Variants in BOD1L1 observed in about 807,000 individuals in gnomAD.
BOD1L1 encodes the protein biorientation of chromosomes in cell division protein 1-like 1.
A neutral mutation model predicts 240.7 loss-of-function variants in BOD1L1; 86 were observed. The observed-to-expected ratio is 0.36, with a 90% CI of 0.30 to 0.43. The LOEUF (loss-of-function observed/expected upper bound fraction) is 0.43, where lower values mean the gene tolerates loss of function less well. Ranked by LOEUF, BOD1L1 falls within the 20% of genes least tolerant of loss-of-function variation. The pLI, the probability that BOD1L1 is intolerant of heterozygous loss-of-function variation, is 1.00. For synonymous variants in BOD1L1, 1,268 were observed against 1,272.3 expected (o/e 1.00, Z 0.07); for missense variants, 3,554 against 3,643.5 (o/e 0.98, Z 0.63).
Position 13,591,966 on chromosome 4 carries a change from G to T in BOD1L1, c.8105C>A (p.Ala2702Asp). Residue 2702 changes from alanine to aspartate, a missense_variant and splice_region_variant, in exon 13 of 26, where the codon GCT (alanine) becomes GAT (aspartate). Coordinates refer to ENST00000040738, the MANE Select transcript of BOD1L1 (RefSeq NM_148894.3). ...CAACAAAGGCTCCCTCTGGAGTTCA[G>T]CTGTTCAAAAATAAAAATGAGATGT... ...SLCGGKPSGIAELQREPLLVN... is the reference protein window; with the variant it reads ...SLCGGKPSGIDELQREPLLVN... 1.2e-5 allele frequency: 19 copies of T among 1,550,326 alleles called. No individual in the cohort carries two copies. The highest frequency in any genetic ancestry group is 1.7e-5 in the Non-Finnish European group (19 of 1,146,542).
chr4:13,600,221 A>G lies in BOD1L1; in HGVS notation c.6679T>C (p.Cys2227Arg). 1.2e-6 allele frequency: 2 copies of G among 1,613,956 alleles called. No individual in the cohort carries two copies. The highest frequency in any genetic ancestry group is 1.7e-6 in the Non-Finnish European group (2 of 1,179,890). ...ACTACACCGGAAACAGAAGCCTCAC[A>G]TTCTTCTGCTATGCTAGTGGAAATG... ...ALISTSIAEE[C>R]EASVSGVVVE... The change falls in exon 10 of 26, where the codon TGT (cysteine) becomes CGT (arginine). Residue 2227 changes from cysteine (C) to arginine (R), a missense_variant. This residue lies in a region of BOD1L1 where 3,393 missense variants were observed against 3,427.1 expected (regional missense o/e 0.99). Coordinates refer to ENST00000040738, the MANE Select transcript of BOD1L1 (RefSeq NM_148894.3).
In BOD1L1 at chr4:13,576,571, A is replaced by C. The variant is rs548330905; in HGVS notation, c.9038+267T>G. Among the ~76,000 whole-genome samples, 192 of 152,316 alleles carry C rather than the reference A, an allele frequency of 1.3e-3. 6 individuals carry two copies. The highest frequency in any genetic ancestry group is 0.011 in the Admixed American group (165 of 15,298). On this transcript the variant is annotated intron_variant, in intron 25 of 25. Coordinates refer to ENST00000040738, the MANE Select transcript of BOD1L1 (RefSeq NM_148894.3). ...ATCTGAAGGATGGCAGATGCTCAAA[A>C]AATATATTTGTAAGGAATTGAATGG... is the stretch of plus-strand genomic sequence containing the variant.
At chr4:13,588,481 A>G (rs1713906772) in intron 15 of BOD1L1, among the ~76,000 whole-genome samples, 1 of 152,192 alleles carries the variant, frequency 6.6e-6, no homozygotes, top group Non-Finnish European at 1.5e-5. Context: ...ATGGTTGATG[A>G]AAGGTGCATG....
intron 1 of BOD1L1, 37 bp from the exon 2 acceptor site, chr4:13,620,104 A>C: frequency 6.4e-7 from 1 of 1,558,296 alleles, no homozygotes; most frequent in Non-Finnish European, 8.7e-7. Context: ...CTTCAAGGTT[A>C]TACAGTATCA....
At chr4:13,582,786 G>A (rs1439213638) in intron 17 of BOD1L1, 50 bp from the exon 18 acceptor site, 24 of 1,259,838 alleles carry the variant, frequency 1.9e-5, no homozygotes, top group Middle Eastern at 3.7e-4. Context: ...TGAAGCCTTC[G>A]TCCATTCATC....
At chr4:13,614,147 A>G (rs1560214771) in intron 4 of BOD1L1, 49 bp downstream of exon 4, 1 of 1,418,442 alleles carries the variant, frequency 7.0e-7, no homozygotes, top group Non-Finnish European at 9.3e-7. Context: ...CCTGATCCCA[A>G]AACACTCTGT....
intron 25 of BOD1L1, among the ~76,000 whole-genome samples, chr4:13,571,494 C>CT (rs1712203990): frequency 6.6e-6 from 1 of 152,228 alleles, no homozygotes; most frequent in African/African-American, 2.4e-5. Context: ...CCACCAGCCA[C>CT]TCAATGAACA....
chr4:13,608,609 T>C lies in BOD1L1; in HGVS notation c.1663A>G (p.Arg555Gly). ...STKSLEPKAA[R>G]IKEVLKERKV... is the part of the protein sequence containing the mutation. ...CGTTCTTTAAGGACTTCTTTAATTCTGGCGGCTTTAGGTTCCAAACTCTTT... is the reference window on the plus strand; with the variant it reads ...CGTTCTTTAAGGACTTCTTTAATTCCGGCGGCTTTAGGTTCCAAACTCTTT... Residue 555 changes from arginine to glycine, a missense_variant, in exon 8 of 26, where the codon AGA (arginine) becomes GGA (glycine). Arg to Gly is a moderately radical substitution (Grantham distance 125, BLOSUM62 -2). Coordinates refer to ENST00000040738, the MANE Select transcript of BOD1L1 (RefSeq NM_148894.3). 6.4e-7 allele frequency: 1 copy of C among 1,563,738 alleles called. No individual in the cohort carries two copies. Among genetic ancestry groups the C allele is most frequent in the Non-Finnish European group, 8.7e-7 (1 of 1,155,786 alleles).
At chr4:13,585,144 T>G (rs1438699988) in intron 17 of BOD1L1, among the ~76,000 whole-genome samples, 1 of 152,220 alleles carries the variant, frequency 6.6e-6, no homozygotes, top group African/African-American at 2.4e-5. Context: ...GGGTGAGGGA[T>G]AGTTTAAGAG....
In BOD1L1 at chr4:13,615,346, A is replaced by T. The variant is rs1265089021; in HGVS notation, c.525T>A (p.Asp175Glu). The T allele has an allele frequency of 6.2e-7, 1 of 1,613,110 alleles. No individual in the cohort carries two copies. Among genetic ancestry groups the T allele is most frequent in the South Asian group, 1.1e-5 (1 of 90,922 alleles). Reference sequence around the variant, plus strand: ...TAAGGGAAGTGTCTGGTTTCTCATCATCGGGAGCTGTGTTGCCACTTCCTT... The same window carrying T: ...TAAGGGAAGTGTCTGGTTTCTCATCTTCGGGAGCTGTGTTGCCACTTCCTT... ...KEEGSGNTAP[D>E]DEKPDTSLIT... The change falls in exon 3 of 26, where the codon GAT becomes GAA. Residue 175 changes from aspartate to glutamate, a missense_variant. Around this residue, in one of 2 missense-constraint regions of BOD1L1, gnomAD observed 3,393 missense variants for 3,427.1 expected, o/e 0.99. Coordinates refer to ENST00000040738, the MANE Select transcript of BOD1L1 (RefSeq NM_148894.3).
At position 13,577,637 on chromosome 4, in the gene BOD1L1, A is replaced by C; in HGVS notation, c.8750-6T>G. On this transcript the variant is annotated splice_region_variant and splice_polypyrimidine_tract_variant and intron_variant, in intron 22 of 25. Coordinates refer to ENST00000040738, the MANE Select transcript of BOD1L1 (RefSeq NM_148894.3). Reference sequence around the variant, plus strand: ...TGTTTCTTTATTGGATTCATCTTTAAGAAAAGGGAAATCTCTGCATTAATA... The same window carrying C: ...TGTTTCTTTATTGGATTCATCTTTACGAAAAGGGAAATCTCTGCATTAATA... 1 of 1,543,612 alleles carries C rather than the reference A, an allele frequency of 6.5e-7. No homozygotes were observed. The highest frequency in any genetic ancestry group is 8.8e-7 in the Non-Finnish European group (1 of 1,135,764).
At position 13,610,967 on chromosome 4, in the gene BOD1L1, A is replaced by T; in HGVS notation, c.1458T>A (p.Asp486Glu). ...LYSKYYSDSD[D>E]ELTVEQRRQS... ...GTCGTCGTTGTTCTACAGTAAGCTC[A>T]TCATCAGAATCACTATAGTATTTTG... is the stretch of plus-strand genomic sequence containing the variant. Residue 486 changes from aspartate (D) to glutamate (E), a missense_variant, in exon 6 of 26, where the codon GAT becomes GAA. Asp to Glu is a conservative substitution (Grantham distance 45). Transcript: ENST00000040738. 1 of 1,610,786 alleles carries T rather than the reference A, an allele frequency of 6.2e-7. No homozygotes were observed. Among genetic ancestry groups the T allele is most frequent in the South Asian group, 1.1e-5 (1 of 90,300 alleles).
Position 13,627,348 on chromosome 4 carries a change from G to C in BOD1L1, c.240C>G (p.Thr80=). 1.5e-6 allele frequency: 2 copies of C among 1,325,782 alleles called. No homozygotes were observed. The highest frequency in any genetic ancestry group is 1.9e-6 in the Non-Finnish European group (2 of 1,027,162). The allele number at this position is 1,325,782 out of a possible 1,614,324, so 82.1% of individuals were successfully genotyped here. A position where few individuals can be genotyped will look rare whatever the true frequency, so the allele number is the denominator to read the frequency against. ...FRRDCLADVD[T]KPAYQNLRQR... is the part of the protein sequence containing the mutation. ...CCAAACCCGGCGCGCTCCTAACCTT[G>C]GTGTCCACGTCGGCCAGGCAGTCTC... The change falls in exon 1 of 26, where the codon ACC becomes ACG. Residue 80 remains threonine (T), a synonymous_variant. Coordinates refer to ENST00000040738, the MANE Select transcript of BOD1L1 (RefSeq NM_148894.3).
chr4:13,572,579 A>G lies in BOD1L1; in HGVS notation c.9039-2451T>C, dbSNP rs550080851. 1.3e-4 allele frequency: 131 copies of G among 995,014 alleles called. 2 individuals carry two copies. Among genetic ancestry groups the G allele is most frequent in the South Asian group, 7.0e-4 (43 of 61,428 alleles). The allele number at this position is 995,014 out of a possible 1,614,324, so 61.6% of individuals were successfully genotyped here. A position where few individuals can be genotyped will look rare whatever the true frequency, so the allele number is the denominator to read the frequency against. On this transcript the variant is annotated intron_variant, in intron 25 of 25. Coordinates refer to ENST00000040738, the MANE Select transcript of BOD1L1 (RefSeq NM_148894.3). ...CCCTTCCTGTTCTTCTTGGAAACCA[A>G]TGATCCCCAAAAACAGTTATTTGGT...
At chr4:13,588,832 AT>A in intron 14 of BOD1L1, 40 bp from the exon 15 acceptor site, 1 of 1,402,702 alleles carries the variant, frequency 7.1e-7, no homozygotes, top group Non-Finnish European at 9.7e-7. Context: ...AATCTTAAAT[AT>A]TTTTATATTC....
Position 13,577,044 on chromosome 4 carries a change from CAA to C in BOD1L1, c.8885-55_8885-54del, listed in dbSNP as rs138926242. Reference sequence around the variant, plus strand: ...ATTTTACAATTCCCAAAGATACTTCCAAGAGAGAGAGTCATGGAGTTTAGAAC... The same window carrying C: ...ATTTTACAATTCCCAAAGATACTTCCGAGAGAGAGTCATGGAGTTTAGAAC... On this transcript the variant is annotated intron_variant, in intron 24 of 25. Transcript: ENST00000040738. The C allele has an allele frequency of 1.3e-4, 208 of 1,586,586 alleles. 1 individual carries two copies. In the East Asian group the frequency reaches 1.6e-3, roughly 12 times the overall value.
chr4:13,627,535 G>C lies in BOD1L1; in HGVS notation c.53C>G (p.Pro18Arg), dbSNP rs932964488. ...QPPPPAPPPP[P>R]PQPQPQPPPP... ...CGGTGGCTGCGGCTGCGGCTGCGGC[G>C]GGGGAGGCGGCGGCGCCGGAGGAGG... The change falls in exon 1 of 26, where the codon CCG becomes CGG. Residue 18 changes from proline to arginine, a missense_variant. Physicochemically the swap from Pro to Arg is moderately radical, Grantham distance 103. Around this residue, in one of 2 missense-constraint regions of BOD1L1, gnomAD observed 161 missense variants for 216.4 expected, o/e 0.74. Transcript: ENST00000040738. The C allele has an allele frequency of 1.8e-6, 2 of 1,118,240 alleles. No individual in the cohort carries two copies. Among genetic ancestry groups the C allele is most frequent in the South Asian group, 4.3e-5 (1 of 23,278 alleles). The allele number at this position is 1,118,240 out of a possible 1,614,324, so 69.3% of individuals were successfully genotyped here. A position where few individuals can be genotyped will look rare whatever the true frequency, so the allele number is the denominator to read the frequency against.
Position 13,600,353 on chromosome 4 carries a change from C to A in BOD1L1, c.6547G>T (p.Val2183Phe), listed in dbSNP as rs145979886. 2,481 of 1,614,038 alleles carry A rather than the reference C, an allele frequency of 1.5e-3. 21 individuals are homozygous for A. The East Asian group carries it at 0.019, about 12-fold the overall frequency. ...AAVEERATGP[V>F]LISTADFEGP... is the part of the protein sequence containing the mutation. ...TCAAAGTCGGCGGTGCTTATCAAGA[C>A]TGGACCTGTAGCCCTTTCTTCCACT... The change falls in exon 10 of 26, where the codon GTC (valine) becomes TTC (phenylalanine). Residue 2183 changes from valine (V) to phenylalanine (F), a missense_variant. By Grantham distance (50) the Val-to-Phe change is conservative (BLOSUM62 -1). Coordinates refer to ENST00000040738, the MANE Select transcript of BOD1L1 (RefSeq NM_148894.3).
rs1560219666 is a variant in BOD1L1, at chr4:13,620,009, G to C, written c.302C>G (p.Thr101Ser). Residue 101 changes from threonine (T) to serine (S), a missense_variant, in exon 2 of 26, where the codon ACT becomes AGT. Around this residue, in one of 2 missense-constraint regions of BOD1L1, gnomAD observed 161 missense variants for 216.4 expected, o/e 0.74. Transcript: ENST00000040738. ...ATTGAGATGCGGACTCCATGTGTGA[G>C]TTGCCAAGTGATTTGCAACAAAGTT... The part of the protein sequence containing the change: ...VDNFVANHLA[T>S]HTWSPHLNKN... The C allele has an allele frequency of 2.5e-6, 4 of 1,611,482 alleles. No individual in the cohort carries two copies. The East Asian group carries it at 6.7e-5, about 27-fold the overall frequency.
Sources: allele counts gnomAD v4.1 joint callset (sites outside exome capture counted in the v4.1 genomes callset), GRCh38; gene constraint gnomAD v4.1.1; regional missense constraint gnomAD v4.1.1; transcripts MANE v1.5; gene names NCBI Gene and HGNC (gene_info 2026-07-23, HGNC 2026-07-21).